The following CMTM8 variants were observed in gnomAD, a reference collection of about 807,000 sequenced individuals.
CMTM8 encodes the protein CKLF-like MARVEL transmembrane domain-containing protein 8.
In CMTM8, 12 loss-of-function variants were observed where a neutral mutation model predicts 18.6. The observed-to-expected ratio is 0.65, with a 90% CI of 0.41 to 1.05. The LOEUF is 1.05. Among genes scored for constraint, CMTM8 ranks in the 50% least tolerant of loss-of-function variants. CMTM8 has a pLI of 0.00. For synonymous variants in CMTM8, 87 were observed against 90.6 expected (o/e 0.96, Z 0.23); for missense variants, 217 against 227.2 (o/e 0.95, Z 0.29).
Position 32,245,801 on chromosome 3 carries a change from A to G in CMTM8, c.147+6682A>G, listed in dbSNP as rs983216489. ...ACATTTGTAGAAAAAACTTTTATTT[A>G]TTATTATTATTACTTTGAGATAGAG... is the stretch of plus-strand genomic sequence containing the variant. On this transcript the variant is annotated intron_variant, in intron 1 of 3. Transcript: ENST00000307526. Among the ~76,000 whole-genome samples the G allele has an allele frequency of 4.6e-5, 7 of 152,122 alleles. No homozygotes were observed. In the South Asian group the frequency reaches 1.5e-3, roughly 32 times the overall value.
intron 1 of CMTM8, among the ~76,000 whole-genome samples, chr3:32,340,103 T>G (rs1696464335): frequency 6.6e-6 from 1 of 152,258 alleles, no homozygotes; most frequent in Non-Finnish European, 1.5e-5. Flanking sequence ...TTGTCAGATC[T>G]GTTTCCAGGC....
At chr3:32,246,185 C>T (rs994909540) in intron 1 of CMTM8, among the ~76,000 whole-genome samples, 1 of 152,090 alleles carries the variant, frequency 6.6e-6, no homozygotes, top group East Asian at 1.9e-4. Context: ...TGCTGGATAC[C>T]TTCCATTTGT....
intron 1 of CMTM8, among the ~76,000 whole-genome samples, chr3:32,299,996 TA>T (rs1325562444): frequency 6.6e-6 from 1 of 152,194 alleles, no homozygotes; most frequent in Non-Finnish European, 1.5e-5. Flanking sequence ...TTCTCCATCA[TA>T]AAAATCATGG....
intron 1 of CMTM8, among the ~76,000 whole-genome samples, chr3:32,322,063 G>A (rs1016283746): frequency 3.3e-5 from 5 of 152,240 alleles, no homozygotes; most frequent in African/African-American, 1.2e-4. Context: ...GCTGACTTCA[G>A]TGCTAAATGA....
chr3:32,265,826 C>T (rs1702333100), intron 1 of CMTM8, among the ~76,000 whole-genome samples: 1 of 152,182 alleles, frequency 6.6e-6, no homozygotes, highest in African/African-American at 2.4e-5. Flanking sequence ...CTATAAACAC[C>T]TCTACGCAAA....
chr3:32,254,016 C>T (rs1389698391), intron 1 of CMTM8, among the ~76,000 whole-genome samples: 1 of 152,218 alleles, frequency 6.6e-6, no homozygotes, highest in Non-Finnish European at 1.5e-5. Flanking sequence ...GCCTCAGCCT[C>T]CCAAGTAGCT....
chr3:32,240,748 A>T (rs545704142), intron 1 of CMTM8, among the ~76,000 whole-genome samples: 11 of 152,238 alleles, frequency 7.2e-5, no homozygotes, highest in South Asian at 6.2e-4. Flanking sequence ...TTACTACTAT[A>T]GTTTTTATTT....
chr3:32,343,719 G>T (rs527704188), intron 1 of CMTM8, among the ~76,000 whole-genome samples: 1 of 147,474 alleles, frequency 6.8e-6, no homozygotes, highest in African/African-American at 2.6e-5. Flanking sequence ...TTTTTGAGAC[G>T]GAATCTCACC....
chr3:32,363,414 A>C (rs1424740175), intron 2 of CMTM8, among the ~76,000 whole-genome samples: 1 of 152,194 alleles, frequency 6.6e-6, no homozygotes, highest in Non-Finnish European at 1.5e-5. Flanking sequence ...CACAGTGTTG[A>C]CATTGTATAT....
chr3:32,266,166 G>C (rs888964446), intron 1 of CMTM8, among the ~76,000 whole-genome samples: 1 of 152,064 alleles, frequency 6.6e-6, no homozygotes, highest in Non-Finnish European at 1.5e-5. Flanking sequence ...GAGAATTTTA[G>C]ACCAATATCC....
intron 2 of CMTM8, among the ~76,000 whole-genome samples, chr3:32,363,039 C>G (rs942772934): frequency 6.6e-6 from 1 of 152,050 alleles, no homozygotes; most frequent in Admixed American, 6.6e-5. Flanking sequence ...ACTGTGTATA[C>G]TTTATAGTTT....
chr3:32,312,998 T>C (rs1559377002), intron 1 of CMTM8, among the ~76,000 whole-genome samples: 1 of 152,150 alleles, frequency 6.6e-6, no homozygotes, highest in Non-Finnish European at 1.5e-5. Context: ...TTTTAGGAGC[T>C]ATAAGGCAAG....
In CMTM8 at chr3:32,357,459, A is replaced by G. The variant is rs2125599321; in HGVS notation, c.234A>G (p.Val78=). The part of the protein sequence containing the change: ...PAFGWVMFVA[V]FYWVLTVFFL... The stretch of plus-strand genomic sequence containing the variant: ...TTGGCTGGGTCATGTTTGTAGCTGT[A>G]TTTTACTGGGTCCTCACCGTCTTCT... The change falls in exon 2 of 4, where the codon GTA becomes GTG. Residue 78 remains valine, a synonymous_variant. Transcript: ENST00000307526. 1 of 1,613,984 alleles carries G rather than the reference A, an allele frequency of 6.2e-7. No individual in the cohort carries two copies. The highest frequency in any genetic ancestry group is 8.5e-7 in the Non-Finnish European group (1 of 1,179,996).
rs1418083611 is a variant in CMTM8 at position 32,303,132 on chromosome 3, T to C, written c.148-54241T>C. 5.3e-5 allele frequency among the ~76,000 whole-genome samples: 8 copies of C among 152,288 alleles called. No individual in the cohort carries two copies. The East Asian group carries it at 1.4e-3, about 26-fold the overall frequency. On this transcript the variant is annotated intron_variant, in intron 1 of 3. Coordinates refer to ENST00000307526, the MANE Select transcript of CMTM8 (RefSeq NM_178868.5). ...GCAGGCGTCTAGGATCCAAAACAAA[T>C]GTAGGTTGCAAATAAGTAAGGTTTT...
intron 1 of CMTM8, among the ~76,000 whole-genome samples, chr3:32,355,553 C>G (rs1437379299): frequency 1.3e-5 from 2 of 152,192 alleles, no homozygotes; most frequent in South Asian, 2.1e-4. Context: ...ATTGCACGCT[C>G]TCTAAATTTG....
At chr3:32,269,051 A>C (rs1702395318) in intron 1 of CMTM8, among the ~76,000 whole-genome samples, 1 of 152,224 alleles carries the variant, frequency 6.6e-6, no homozygotes, top group South Asian at 2.1e-4. Flanking sequence ...GAAAAGCATC[A>C]AATATCACTT....
chr3:32,335,082 A>C (rs892271905), intron 1 of CMTM8, among the ~76,000 whole-genome samples: 12 of 152,154 alleles, frequency 7.9e-5, no homozygotes, highest in African/African-American at 2.4e-4. Flanking sequence ...GAGTAATAGC[A>C]TACCTTTGAC....
chr3:32,250,713 G>T (rs1307831483), intron 1 of CMTM8, among the ~76,000 whole-genome samples: 3 of 151,814 alleles, frequency 2.0e-5, no homozygotes, highest in Non-Finnish European at 4.4e-5. Context: ...CCAGGTTATA[G>T]AACTCCAATT....
chr3:32,259,100 G>A, intron 1 of CMTM8: 1 of 391,886 alleles, frequency 2.6e-6, no homozygotes, highest in Non-Finnish European at 4.9e-6. Flanking sequence ...ACCGTGTCCT[G>A]CTCCACCAGC....
Sources: allele counts gnomAD v4.1 joint callset (sites outside exome capture counted in the v4.1 genomes callset), GRCh38; gene constraint gnomAD v4.1.1; transcripts MANE v1.5; gene names NCBI Gene and HGNC (gene_info 2026-07-23, HGNC 2026-07-21).